The following LCOR variants were observed in gnomAD, a reference collection of about 807,000 sequenced individuals.
LCOR encodes the protein ligand dependent nuclear receptor corepressor, also known as ligand-dependent corepressor.
LCOR carries 14 observed loss-of-function variants against 64.4 expected under a neutral mutation model. The observed-to-expected ratio is 0.22, with a 90% confidence interval of 0.14 to 0.34. The LOEUF is 0.34. LCOR is among the 10% of genes least tolerant of loss of function. LCOR has a pLI of 1.00. For missense variants in LCOR, 1,686 were observed against 1,765.3 expected, an observed-to-expected ratio of 0.96 and a Z score of 0.80; for synonymous variants, 643 against 642.5, an observed-to-expected ratio of 1.00 and a Z score of -0.01.
chr10:96,890,541 T>A (rs1334009440), intron 2 of LCOR, among the ~76,000 whole-genome samples: 2 of 152,220 alleles, frequency 1.3e-5, no homozygotes, highest in Non-Finnish European at 2.9e-5. Flanking sequence ...CCAATTTGGA[T>A]GCCTTTTATT....
intron 7 of LCOR, chr10:96,957,734 TGTGTTCAAAGG>T (rs1489587997): frequency 1.0e-6 from 1 of 985,422 alleles, no homozygotes; most frequent in African/African-American, 1.7e-5. Context: ...CAGCAACCTG[TGTGTTCAAAGG>T]TTAGGCACAC....
At chr10:96,960,821 G>C (rs1392384547) in intron 7 of LCOR, 1 of 152,124 alleles carries the variant, frequency 6.6e-6, no homozygotes, top group East Asian at 1.9e-4. Context: ...GTACAAAGAA[G>C]ACAGATCTCC....
At chr10:96,939,431 A>AC (rs1239055883) in intron 4 of LCOR, among the ~76,000 whole-genome samples, 1 of 152,210 alleles carries the variant, frequency 6.6e-6, no homozygotes, top group Non-Finnish European at 1.5e-5. Context: ...AATCTTCATG[A>AC]CCAAGTTTTT....
chr10:96,988,793 G>T lies in LCOR; in HGVS notation c.*3659G>T, dbSNP rs1475001303. ...TTCGGATTCCAGATGATCTGTCAAG[G>T]GTCTGCCAACTGTGGGCTGGTCGCT... On this transcript the variant is annotated 3_prime_UTR_variant, in exon 8 of 8. Transcript: ENST00000421806. 1 of 152,160 alleles carries T rather than the reference G, an allele frequency of 6.6e-6. No homozygotes were observed. The highest frequency in any genetic ancestry group is 1.5e-5 in the Non-Finnish European group (1 of 68,038). 9.4% of individuals were successfully genotyped at this position (152,160 alleles called of 1,614,324 possible).
At chr10:96,878,629 C>T (rs190256293) in intron 2 of LCOR, among the ~76,000 whole-genome samples, 1 of 152,274 alleles carries the variant, frequency 6.6e-6, no homozygotes, top group Admixed American at 6.5e-5. Context: ...AGTAGGTACT[C>T]TCTGTGAGCA....
At chr10:96,899,329 G>A (rs1019070022) in intron 2 of LCOR, among the ~76,000 whole-genome samples, 15 of 152,018 alleles carry the variant, frequency 9.9e-5, no homozygotes, top group Admixed American at 5.9e-4. Context: ...ATATCTTAAC[G>A]GCAGGGCATA....
chr10:96,920,085 C>G (rs1045726926), intron 4 of LCOR, among the ~76,000 whole-genome samples: 4 of 151,946 alleles, frequency 2.6e-5, no homozygotes, highest in African/African-American at 9.7e-5. Flanking sequence ...GCCACATCAG[C>G]TGCATCATTT....
intron 7 of LCOR, chr10:96,958,479 T>A (rs1161666122): frequency 1.1e-6 from 1 of 904,750 alleles, no homozygotes; most frequent in Non-Finnish European, 1.8e-6. Context: ...AGAGAACTTG[T>A]ATTGTGTCAT....
At chr10:96,858,804 A>G (rs1003786057) in intron 2 of LCOR, among the ~76,000 whole-genome samples, 5 of 152,198 alleles carry the variant, frequency 3.3e-5, no homozygotes, top group African/African-American at 9.6e-5. Flanking sequence ...TTTAACAAGC[A>G]TGAATGAATT....
In LCOR at chr10:96,991,501, G is replaced by C. The variant is rs1848200582; in HGVS notation, c.*6367G>C. On this transcript the variant is annotated 3_prime_UTR_variant, in exon 8 of 8. Transcript: ENST00000421806. ...AAATTACTCATGAACTTAAAGCCAA[G>C]AATAGTGCCTCTCCCTGAAAGTATG... The C allele has an allele frequency of 6.6e-6, 1 of 152,190 alleles. No homozygotes were observed. The highest frequency in any genetic ancestry group is 1.5e-5 in the Non-Finnish European group (1 of 68,042). The allele number at this position is 152,190 out of a possible 1,614,324, so 9.4% of individuals were successfully genotyped here.
intron 2 of LCOR, among the ~76,000 whole-genome samples, chr10:96,847,347 CAA>C (rs542943351): frequency 4.6e-4 from 34 of 74,224 alleles, no homozygotes; most frequent in Admixed American, 1.2e-3. Context: ...CTTAATTTTT[CAA>C]AAAAAAAAAA....
chr10:96,838,798 A>G (rs993443441), intron 2 of LCOR, among the ~76,000 whole-genome samples: 3 of 152,172 alleles, frequency 2.0e-5, no homozygotes, highest in African/African-American at 7.2e-5. Context: ...ATTTGTGTAC[A>G]AGTTTTTGTG....
chr10:96,879,437 C>T (rs570751587), intron 2 of LCOR, among the ~76,000 whole-genome samples: 1 of 152,288 alleles, frequency 6.6e-6, no homozygotes, highest in East Asian at 1.9e-4. Flanking sequence ...GAAGCTTATT[C>T]CAAGCCATCT....
intron 2 of LCOR, among the ~76,000 whole-genome samples, chr10:96,886,287 C>G (rs1846342422): frequency 1.3e-5 from 2 of 152,186 alleles, no homozygotes; most frequent in Admixed American, 1.3e-4. Flanking sequence ...GGTTGAGTGT[C>G]TCTTATCCCA....
At chr10:96,965,777 GT>G (rs2134550146) in intron 7 of LCOR, among the ~76,000 whole-genome samples, 1 of 148,802 alleles carries the variant, frequency 6.7e-6, no homozygotes, top group South Asian at 2.2e-4. Context: ...GGCTTTATTT[GT>G]TCCCCTTAAT....
chr10:96,837,909 G>T (rs540300684), intron 2 of LCOR, among the ~76,000 whole-genome samples: 1 of 152,340 alleles, frequency 6.6e-6, no homozygotes, highest in Admixed American at 6.5e-5. Flanking sequence ...CTGTCCATCT[G>T]TTGTGTGGAA....
chr10:96,903,043 A>G (rs1443728157), intron 2 of LCOR, among the ~76,000 whole-genome samples: 1 of 152,180 alleles, frequency 6.6e-6, no homozygotes, highest in African/African-American at 2.4e-5. Flanking sequence ...TTGTCACACA[A>G]TATCATTGTC....
At chr10:96,902,025 A>C (rs1258414179) in intron 2 of LCOR, among the ~76,000 whole-genome samples, 1 of 152,002 alleles carries the variant, frequency 6.6e-6, no homozygotes, top group East Asian at 1.9e-4. Flanking sequence ...CTAAATCACT[A>C]CTTTGTTGTG....
rs1848082972 is a variant in LCOR at position 96,981,267 on chromosome 10, A to G, written c.807A>G (p.Gly269=). ...NSSSVDSFTP[G]YLTASNCSSV... The stretch of plus-strand genomic sequence containing the variant: ...GTTCAGTGGATAGTTTCACTCCGGG[A>G]TACCTCACTGCATCTAATTGTTCCT... The change falls in exon 8 of 8, where the codon GGA becomes GGG. Residue 269 remains glycine (G), a synonymous_variant. Coordinates refer to ENST00000421806, the MANE Select transcript of LCOR (RefSeq NM_001346516.2). 8.7e-7 allele frequency: 1 copy of G among 1,146,638 alleles called. No individual in the cohort carries two copies. Among genetic ancestry groups the G allele is most frequent in the African/African-American group, 1.5e-5 (1 of 65,080 alleles). 71.0% of individuals were successfully genotyped at this position (1,146,638 alleles called of 1,614,324 possible).
Sources: gnomAD v4.1 joint callset for allele counts (sites outside exome capture counted in the v4.1 genomes callset) on GRCh38, gnomAD v4.1.1 for gene constraint, MANE v1.5 for transcripts, NCBI Gene and HGNC (gene_info 2026-07-23, HGNC 2026-07-21) for gene names.